OSBPL1A: variants seen among roughly 807,000 people sequenced by gnomAD.
The protein encoded by OSBPL1A is oxysterol binding protein like 1A.
OSBPL1A carries 80 observed loss-of-function variants against 137.1 expected under a neutral mutation model. The observed-to-expected ratio is 0.58, with a 90% CI of 0.49 to 0.70. The LOEUF is 0.70. Among genes scored for constraint, OSBPL1A ranks in the 30% least tolerant of loss-of-function variants. The pLI is 0.00. For missense variants in OSBPL1A, 970 were observed against 1,129.4 expected (o/e 0.86, Z 2.02); for synonymous variants, 365 against 389.7 (o/e 0.94, Z 0.75).
chr18:24,183,114 G>A (rs752031235), intron 18 of OSBPL1A, among the ~76,000 whole-genome samples: 2 of 151,666 alleles, frequency 1.3e-5, no homozygotes, highest in African/African-American at 2.4e-5. Context: ...CAAGGGATCC[G>A]ATCCTCCCAC....
At chr18:24,247,360 C>T (rs975440710) in intron 15 of OSBPL1A, among the ~76,000 whole-genome samples, 3 of 152,228 alleles carry the variant, frequency 2.0e-5, no homozygotes, top group Non-Finnish European at 4.4e-5. Flanking sequence ...TTGACAAGGG[C>T]AGCTTCAGTG....
At chr18:24,308,340 G>C (rs2090546014) in intron 13 of OSBPL1A, among the ~76,000 whole-genome samples, 1 of 150,512 alleles carries the variant, frequency 6.6e-6, no homozygotes, top group Non-Finnish European at 1.5e-5. Context: ...GGAGTGCAGT[G>C]GTGTGACCAC....
Position 24,162,686 on chromosome 18 carries a change from C to CTT in OSBPL1A, c.*491_*492dup, listed in dbSNP as rs1209865984. ...GAGGATTAGTATGAATAAAAGCCAT[C>CTT]TTATCAATGAAGTCTTTATAAAATG... On this transcript the variant is annotated 3_prime_UTR_variant, in exon 28 of 28. Transcript: ENST00000319481. The CTT allele has an allele frequency of 6.6e-6, 1 of 152,248 alleles. No homozygotes were observed. The highest frequency in any genetic ancestry group is 2.4e-5 in the African/African-American group (1 of 41,414). 9.4% of individuals were successfully genotyped at this position (152,248 alleles called of 1,614,324 possible).
intron 1 of OSBPL1A, among the ~76,000 whole-genome samples, chr18:24,384,869 T>C (rs1291629342): frequency 2.1e-5 from 3 of 146,084 alleles, no homozygotes; most frequent in Non-Finnish European, 3.0e-5. Context: ...AGTGAAACTG[T>C]CTCGGAAAAA....
At chr18:24,248,391 G>T (rs184516076) in intron 15 of OSBPL1A, among the ~76,000 whole-genome samples, 2 of 152,254 alleles carry the variant, frequency 1.3e-5, no homozygotes, top group Non-Finnish European at 2.9e-5. Flanking sequence ...TTTCCCATTG[G>T]TTATAGCTGA....
Position 24,253,174 on chromosome 18 carries a change from G to GC in OSBPL1A, c.1282-13793_1282-13792insG, listed in dbSNP as rs113896463. 7.9e-3 allele frequency among the ~76,000 whole-genome samples: 1,048 copies of GC among 131,876 alleles called. 74 individuals are homozygous for GC. Among genetic ancestry groups the GC allele is most frequent in the African/African-American group, 0.027 (1,011 of 36,872 alleles). 86.5% of individuals were successfully genotyped at this position (131,876 alleles called of 152,430 possible). A position where few individuals can be genotyped will look rare whatever the true frequency, so the allele number is the denominator to read the frequency against. ...TCCAATGAAAAGACATGGCGGGGGG[G>GC]GGCGCTGAATGGATGAAAAAAACAA... is the stretch of plus-strand genomic sequence containing the variant. On this transcript the variant is annotated intron_variant, in intron 15 of 27. Coordinates refer to ENST00000319481, the MANE Select transcript of OSBPL1A (RefSeq NM_080597.4).
chr18:24,219,392 G>C (rs186070908), intron 17 of OSBPL1A, among the ~76,000 whole-genome samples: 103 of 152,170 alleles, frequency 6.8e-4, no homozygotes, highest in African/African-American at 2.4e-3. Context: ...GGGAATCAAG[G>C]GTTCATTATA....
chr18:24,210,525 TTTTC>T (rs2087505796), intron 17 of OSBPL1A, among the ~76,000 whole-genome samples: 1 of 117,256 alleles, frequency 8.5e-6, no homozygotes, highest in Non-Finnish European at 1.9e-5. Flanking sequence ...TTATCTCTCC[TTTTC>T]TTTTTCTTTT....
At chr18:24,286,144 A>C (rs1011629814) in intron 14 of OSBPL1A, among the ~76,000 whole-genome samples, 9 of 152,134 alleles carry the variant, frequency 5.9e-5, no homozygotes, top group Admixed American at 5.2e-4. Flanking sequence ...GTGACAGAGC[A>C]AGACTCTGTC....
At chr18:24,292,342 T>G (rs953016479) in intron 14 of OSBPL1A, among the ~76,000 whole-genome samples, 4 of 152,178 alleles carry the variant, frequency 2.6e-5, no homozygotes, top group Admixed American at 2.0e-4. Flanking sequence ...ATGCAAAATA[T>G]GCCACAGTTC....
In OSBPL1A at chr18:24,345,547, G is replaced by A. The variant is rs143741878; in HGVS notation, c.283-3889C>T. Among the ~76,000 whole-genome samples the A allele has an allele frequency of 1.5e-3, 234 of 152,218 alleles. 3 individuals are homozygous for A. The Middle Eastern group carries it at 0.024, about 15-fold the overall frequency. On this transcript the variant is annotated intron_variant, in intron 4 of 27. Coordinates refer to ENST00000319481, the MANE Select transcript of OSBPL1A (RefSeq NM_080597.4). Reference sequence around the variant, plus strand: ...TTAAAAATAAAAAAATTAGCCAGGCGTAGTGGCGCACACCTGTAGTCCCAG... The same window carrying A: ...TTAAAAATAAAAAAATTAGCCAGGCATAGTGGCGCACACCTGTAGTCCCAG...
chr18:24,266,754 A>T (rs1012105179), intron 15 of OSBPL1A, among the ~76,000 whole-genome samples: 6 of 152,190 alleles, frequency 3.9e-5, no homozygotes, highest in African/African-American at 1.4e-4. Context: ...ACATTATTAG[A>T]GTCTAAAAAA....
chr18:24,252,613 G>C (rs1183707022), intron 15 of OSBPL1A, among the ~76,000 whole-genome samples: 1 of 152,082 alleles, frequency 6.6e-6, no homozygotes, highest in Non-Finnish European at 1.5e-5. Context: ...ACATTAACAA[G>C]CAGTACAAAG....
In OSBPL1A at chr18:24,318,477, T is replaced by C. The variant is rs1209311865; in HGVS notation, c.732+124A>G. ...AAAAAAAAATCAGTGGTTTACATTA[T>C]ACGATCCAAGAGCGATTAAATCACA... On this transcript the variant is annotated intron_variant, in intron 9 of 27. Coordinates refer to ENST00000319481, the MANE Select transcript of OSBPL1A (RefSeq NM_080597.4). 6 of 821,866 alleles carry C rather than the reference T, an allele frequency of 7.3e-6. No individual in the cohort carries two copies. The Admixed American group carries it at 1.1e-4, about 15-fold the overall frequency. The allele number at this position is 821,866 out of a possible 1,614,324, so 50.9% of individuals were successfully genotyped here.
At chr18:24,386,177 C>T (rs1468269862) in intron 1 of OSBPL1A, among the ~76,000 whole-genome samples, 4 of 151,976 alleles carry the variant, frequency 2.6e-5, no homozygotes, top group Non-Finnish European at 5.9e-5. Context: ...AAATGGGTCA[C>T]GGGGTCAATA....
chr18:24,395,892 G>A (rs919744191), intron 1 of OSBPL1A, among the ~76,000 whole-genome samples: 60 of 150,312 alleles, frequency 4.0e-4, no homozygotes, highest in African/African-American at 1.4e-3. Flanking sequence ...AAAGTGCTGG[G>A]ATTACAGGCG....
intron 18 of OSBPL1A, among the ~76,000 whole-genome samples, chr18:24,187,693 T>G (rs2145932367): frequency 6.6e-6 from 1 of 152,314 alleles, no homozygotes; most frequent in African/African-American, 2.4e-5. Context: ...TCCTCCAAGG[T>G]TGCAGGAAAG....
chr18:24,315,912 ATAT>A (rs1264254719), intron 11 of OSBPL1A, among the ~76,000 whole-genome samples: 1 of 135,410 alleles, frequency 7.4e-6, no homozygotes, highest in African/African-American at 2.8e-5. Context: ...ATATTATATA[ATAT>A]TATAATTATA....
intron 20 of OSBPL1A, 121 bp from the exon 21 acceptor site, chr18:24,178,316 C>A (rs373928347): frequency 4.9e-6 from 5 of 1,014,952 alleles, no homozygotes; most frequent in East Asian, 2.6e-5. Flanking sequence ...GTTGTTGAGA[C>A]AAAATCTTGC....
Sources: gnomAD v4.1 joint callset for allele counts (sites outside exome capture counted in the v4.1 genomes callset) on GRCh38, gnomAD v4.1.1 for gene constraint, MANE v1.5 for transcripts, NCBI Gene and HGNC (gene_info 2026-07-23, HGNC 2026-07-21) for gene names.